The following MYH13 variants were observed in gnomAD, a reference collection of about 807,000 sequenced individuals.
MYH13 encodes the protein myosin-13.
A neutral mutation model predicts 232.1 loss-of-function variants in MYH13; 177 were observed. The observed-to-expected ratio is 0.76, with a 90% CI of 0.67 to 0.86. The LOEUF is 0.86. Ranked by LOEUF, MYH13 falls within the 40% of genes least tolerant of loss-of-function variation. MYH13 has a pLI of 0.00. For synonymous variants in MYH13, 884 were observed against 923.5 expected (o/e 0.96, Z 0.78); for missense variants, 2,246 against 2,405.9 (o/e 0.93, Z 1.39).
chr17:10,356,714 GA>G (rs1390740857), intron 8 of MYH13, among the ~76,000 whole-genome samples: 3 of 152,170 alleles, frequency 2.0e-5, no homozygotes, highest in African/African-American at 7.2e-5. Flanking sequence ...TTCAGGCGAC[GA>G]AATACAAGTT....
intron 35 of MYH13, 54 bp from the exon 36 acceptor site, chr17:10,307,118 A>G: frequency 6.3e-7 from 1 of 1,591,814 alleles, no homozygotes. Context: ...CGCTTAAAAA[A>G]ATTGGGAGAG....
chr17:10,310,193 C>T (rs1433741704), intron 33 of MYH13, among the ~76,000 whole-genome samples: 2 of 150,994 alleles, frequency 1.3e-5, no homozygotes, highest in Non-Finnish European at 1.5e-5. Context: ...TGGGTTCAAG[C>T]GATTCTCCTG....
chr17:10,356,661 C>A (rs1400621338), intron 8 of MYH13, among the ~76,000 whole-genome samples: 2 of 152,186 alleles, frequency 1.3e-5, no homozygotes, highest in Non-Finnish European at 2.9e-5. Context: ...GAGCCATGGT[C>A]CTTGATGGAT....
In MYH13 at chr17:10,300,959, C is replaced by T. The variant is rs769748434; in HGVS notation, c.5809G>A (p.Glu1937Lys). Residue 1937 changes from glutamate (E) to lysine (K), a missense_variant, in exon 41 of 41, where the codon GAA becomes AAA. Transcript: ENST00000252172. ...KSRDVGSQKM[E>K]E ...CGAGCATCAGGTGAGCCTCATTCTT[C>T]CATCTTCTGTGGGAGAAAAAAATAA... 1 of 1,612,942 alleles carries T rather than the reference C, an allele frequency of 6.2e-7. No individual in the cohort carries two copies. The highest frequency in any genetic ancestry group is 8.5e-7 in the Non-Finnish European group (1 of 1,179,234).
intron 3 of MYH13, 44 bp downstream of exon 3, chr17:10,364,283 T>C (rs1323706600): frequency 6.4e-7 from 1 of 1,558,572 alleles, no homozygotes; most frequent in Non-Finnish European, 8.8e-7. Flanking sequence ...CAAAGAAAAA[T>C]GAGCATGCCC....
intron 12 of MYH13, 50 bp from the exon 13 acceptor site, chr17:10,346,848 G>A: frequency 7.2e-7 from 1 of 1,383,476 alleles, no homozygotes; most frequent in Non-Finnish European, 1.0e-6. Flanking sequence ...AGCTGCTAAA[G>A]TGTCCAGTCA....
At chr17:10,305,763 G>A (rs1906256978) in intron 37 of MYH13, among the ~76,000 whole-genome samples, 1 of 152,182 alleles carries the variant, frequency 6.6e-6, no homozygotes, top group African/African-American at 2.4e-5. Flanking sequence ...AGGAAACAAA[G>A]GGAACAGTCA....
intron 7 of MYH13, among the ~76,000 whole-genome samples, chr17:10,358,668 C>T (rs951508218): frequency 1.3e-5 from 2 of 152,032 alleles, no homozygotes; most frequent in African/African-American, 2.4e-5. Context: ...GAAGGATGAT[C>T]GCTTGAGCCC....
chr17:10,331,007 ACT>A (rs1174836096), intron 20 of MYH13, among the ~76,000 whole-genome samples: 1 of 151,758 alleles, frequency 6.6e-6, no homozygotes, highest in African/African-American at 2.4e-5. Flanking sequence ...ACAGAGCAAG[ACT>A]CTGTCTCAAA....
chr17:10,316,332 A>T (rs1906711054), intron 27 of MYH13, among the ~76,000 whole-genome samples: 1 of 152,072 alleles, frequency 6.6e-6, no homozygotes. Context: ...GTGGTGGTGC[A>T]TGCCTGTAAT....
intron 2 of MYH13, among the ~76,000 whole-genome samples, chr17:10,369,315 A>T (rs1483011988): frequency 6.6e-6 from 1 of 152,178 alleles, no homozygotes; most frequent in Non-Finnish European, 1.5e-5. Context: ...TGCTACATCC[A>T]TGTATTCTAT....
Position 10,362,370 on chromosome 17 carries a change from C to T in MYH13, c.338G>A (p.Trp113Ter), listed in dbSNP as rs1025088372. Residue 113 changes from tryptophan (W) to a stop codon, truncating the protein, a stop_gained, in exon 4 of 41, where the codon TGG becomes TAG. Coordinates refer to ENST00000252172, the MANE Select transcript of MYH13 (RefSeq NM_003802.3). LOFTEE classifies it high-confidence loss of function. ...LYNLKERYAA[W>*]MIYTYSGLFC... Reference sequence around the variant, plus strand: ...TTTACAGACACTCACGTAGATCATCCAGGCTGCATAGCGCTCTTTGAGGTT... The same window carrying T: ...TTTACAGACACTCACGTAGATCATCTAGGCTGCATAGCGCTCTTTGAGGTT... 5 of 1,614,046 alleles carry T rather than the reference C, an allele frequency of 3.1e-6. No individual in the cohort carries two copies. The East Asian group carries it at 6.7e-5, about 22-fold the overall frequency.
chr17:10,355,115 T>C lies in MYH13; in HGVS notation c.771A>G (p.Thr257=). Residue 257 remains threonine, a synonymous_variant, in exon 9 of 41, where the codon ACA becomes ACG. Coordinates refer to ENST00000252172, the MANE Select transcript of MYH13 (RefSeq NM_003802.3). ...CGATGTCTGCCGATGCCAGCTTTCC[T>C]GTGGCTCCAAAATGAATCCGAATGA... ...GKFIRIHFGA[T]GKLASADIET... is the part of the protein sequence containing the mutation. The C allele has an allele frequency of 6.3e-7, 1 of 1,591,470 alleles. No individual in the cohort carries two copies. Among genetic ancestry groups the C allele is most frequent in the East Asian group, 2.3e-5 (1 of 44,176 alleles).
intron 12 of MYH13, among the ~76,000 whole-genome samples, chr17:10,347,908 G>A (rs1397046559): frequency 6.6e-6 from 1 of 151,642 alleles, no homozygotes; most frequent in Non-Finnish European, 1.5e-5. Flanking sequence ...TAGTAGAGAT[G>A]GGGTTTCACC....
Position 10,306,838 on chromosome 17 carries a change from T to C in MYH13, c.5295+101A>G, listed in dbSNP as rs1046406040. Reference sequence around the variant, plus strand: ...TGTCTGGGAAGCCACCACTAACCGATTGTTGTCATAAGAGATGAAACATAC... The same window carrying C: ...TGTCTGGGAAGCCACCACTAACCGACTGTTGTCATAAGAGATGAAACATAC... On this transcript the variant is annotated intron_variant, in intron 36 of 40. Transcript: ENST00000252172. This position sits in a 1 kb window ranked among gnomAD's most constrained non-coding sequence, Gnocchi z 4.3. 12 of 1,581,956 alleles carry C rather than the reference T, an allele frequency of 7.6e-6. No homozygotes were observed. Among genetic ancestry groups the C allele is most frequent in the East Asian group, 4.5e-5 (2 of 44,792 alleles).
Position 10,353,013 on chromosome 17 carries a change from C to T in MYH13, c.1005+1667G>A, listed in dbSNP as rs1483731087. Among the ~76,000 whole-genome samples, 6 of 152,284 alleles carry T rather than the reference C, an allele frequency of 3.9e-5. No homozygotes were observed. The South Asian group carries it at 1.2e-3, about 32-fold the overall frequency. On this transcript the variant is annotated intron_variant, in intron 11 of 40. Coordinates refer to ENST00000252172, the MANE Select transcript of MYH13 (RefSeq NM_003802.3). ...TCACAGCAGCTGAGTCTCAGCCAAT[C>T]ACAGCAGCTGAGCTTCAGCCAATCA...
rs1352361222 is a variant in MYH13, at chr17:10,337,643, G to A, written c.2056+2507C>T. On this transcript the variant is annotated intron_variant, in intron 18 of 40. Coordinates refer to ENST00000252172, the MANE Select transcript of MYH13 (RefSeq NM_003802.3). ...CTTTCTAAGGTGTCACCAGGCTTCTGTATTCGTGTTGGGCTATTCCCAGAA... is the reference window on the plus strand; with the variant it reads ...CTTTCTAAGGTGTCACCAGGCTTCTATATTCGTGTTGGGCTATTCCCAGAA... Among the ~76,000 whole-genome samples, 4 of 152,328 alleles carry A rather than the reference G, an allele frequency of 2.6e-5. No homozygotes were observed. In the East Asian group the frequency reaches 7.7e-4, roughly 29 times the overall value.
intron 29 of MYH13, among the ~76,000 whole-genome samples, chr17:10,315,338 G>C (rs1906662373): frequency 6.6e-6 from 1 of 152,184 alleles, no homozygotes; most frequent in South Asian, 2.1e-4. Flanking sequence ...TGTCTTCCAG[G>C]CTGGAGTGCA....
At position 10,330,505 on chromosome 17, in the gene MYH13, G is replaced by A. The variant is rs201786434; in HGVS notation, c.2317C>T (p.Leu773Phe). 1.8e-4 allele frequency: 295 copies of A among 1,610,208 alleles called. 2 individuals carry two copies. In the African/African-American group the frequency reaches 3.5e-3, roughly 19 times the overall value. Reference sequence around the variant, plus strand: ...CTCATCTCCTCCAAAAGTCCCAGGAGCCCAGCTTTGAAAAACACCTGCATT... The same window carrying A: ...CTCATCTCCTCCAAAAGTCCCAGGAACCCAGCTTTGAAAAACACCTGCATT... Reference protein sequence around the residue: ...GNTKVFFKAGLLGLLEEMRDE... With the variant: ...GNTKVFFKAGFLGLLEEMRDE... The change falls in exon 21 of 41, where the codon CTC (leucine) becomes TTC (phenylalanine). Residue 773 changes from leucine to phenylalanine, a missense_variant. By Grantham distance (22) the Leu-to-Phe change is conservative (BLOSUM62 0). Coordinates refer to ENST00000252172, the MANE Select transcript of MYH13 (RefSeq NM_003802.3).
Sources: allele counts gnomAD v4.1 joint callset (sites outside exome capture counted in the v4.1 genomes callset), GRCh38; gene constraint gnomAD v4.1.1; non-coding constraint Gnocchi (gnomAD v3.1); transcripts MANE v1.5; gene names NCBI Gene and HGNC (gene_info 2026-07-23, HGNC 2026-07-21).